Variants in LINGO2 observed in about 807,000 individuals in gnomAD.
LINGO2 encodes the protein leucine-rich repeat and immunoglobulin-like domain-containing nogo receptor-interacting protein 2.
A neutral mutation model predicts 30.6 loss-of-function variants in LINGO2; 14 were observed. That is an observed-to-expected ratio of 0.46 (90% confidence interval 0.30 to 0.72). LINGO2 has a LOEUF of 0.72. Among genes scored for constraint, LINGO2 ranks in the 30% least tolerant of loss-of-function variants. LINGO2 has a pLI of 0.07. For synonymous variants in LINGO2, 317 were observed against 288.5 expected (o/e 1.10, Z -1.00); for missense variants, 729 against 751.7 (o/e 0.97, Z 0.35).
At chr9:28,910,608 G>C in the LINGO2 span, among the ~76,000 whole-genome samples, 1 of 151,992 alleles carries the variant, frequency 6.6e-6, no homozygotes. Context: ...TTGTTTGAAA[G>C]TGTGTAGCAC....
At chr9:28,261,380 C>T (rs1464761248) in intron 4 of LINGO2, among the ~76,000 whole-genome samples, 3 of 151,882 alleles carry the variant, frequency 2.0e-5, no homozygotes, top group African/African-American at 4.8e-5. Context: ...TAAAGACACT[C>T]GTGACATTTC....
intron 2 of LINGO2, among the ~76,000 whole-genome samples, chr9:28,394,206 A>G (rs1047656562): frequency 1.3e-5 from 2 of 152,166 alleles, no homozygotes; most frequent in African/African-American, 4.8e-5. Context: ...ATATCTGAAG[A>G]TCTCTTTCCA....
chr9:28,498,066 C>T (rs984211586), intron 1 of LINGO2, among the ~76,000 whole-genome samples: 2 of 152,160 alleles, frequency 1.3e-5, no homozygotes, highest in African/African-American at 4.8e-5. Flanking sequence ...CAGTCTGCCC[C>T]TACTCGGGGG....
At chr9:28,519,396 A>G (rs1305854773) in intron 1 of LINGO2, among the ~76,000 whole-genome samples, 1 of 152,140 alleles carries the variant, frequency 6.6e-6, no homozygotes, top group Non-Finnish European at 1.5e-5. Context: ...TGTTCAGGTA[A>G]ATAGTAAGAG....
At chr9:28,326,266 A>T (rs983926026) in intron 3 of LINGO2, among the ~76,000 whole-genome samples, 4 of 152,178 alleles carry the variant, frequency 2.6e-5, no homozygotes, top group Non-Finnish European at 4.4e-5. Flanking sequence ...TGGCCTCCCA[A>T]AGTGCTGGGA....
the LINGO2 span, among the ~76,000 whole-genome samples, chr9:29,182,688 GTTT>G: frequency 2.0e-5 from 3 of 147,152 alleles, no homozygotes; most frequent in Admixed American, 6.8e-5. Flanking sequence ...AAATCTGTAG[GTTT>G]TTTTTTTTTT....
chr9:28,632,627 T>G, intron 1 of LINGO2, among the ~76,000 whole-genome samples: 1 of 143,586 alleles, frequency 7.0e-6, no homozygotes, highest in Admixed American at 7.2e-5. Flanking sequence ...TATATATTTA[T>G]ATATTTTTAT....
At chr9:28,872,219 A>G in the LINGO2 span, among the ~76,000 whole-genome samples, 1 of 152,116 alleles carries the variant, frequency 6.6e-6, no homozygotes, top group Non-Finnish European at 1.5e-5. Context: ...ATTCCCAAAA[A>G]GAAACTCTAG....
At chr9:28,631,142 T>G (rs1036404040) in intron 1 of LINGO2, among the ~76,000 whole-genome samples, 3 of 152,076 alleles carry the variant, frequency 2.0e-5, no homozygotes, top group Non-Finnish European at 4.4e-5. Context: ...TATTTATTGC[T>G]TTATCACTTT....
intron 4 of LINGO2, among the ~76,000 whole-genome samples, chr9:28,251,005 C>A (rs1475890311): frequency 6.6e-6 from 1 of 151,954 alleles, no homozygotes; most frequent in Admixed American, 6.6e-5. Context: ...CTCCACCTGG[C>A]AATCACAAGG....
intron 4 of LINGO2, among the ~76,000 whole-genome samples, chr9:28,175,473 T>A (rs969899268): frequency 6.6e-6 from 1 of 152,196 alleles, no homozygotes; most frequent in African/African-American, 2.4e-5. Context: ...ACTGTAGTTT[T>A]ACCTCTTCGT....
At chr9:28,431,397 G>A (rs1823671433) in intron 2 of LINGO2, among the ~76,000 whole-genome samples, 1 of 152,056 alleles carries the variant, frequency 6.6e-6, no homozygotes, top group Non-Finnish European at 1.5e-5. Flanking sequence ...AAGAGAAGAA[G>A]GGAGAAAGAG....
chr9:28,997,332 G>T, the LINGO2 span, among the ~76,000 whole-genome samples: 2 of 152,134 alleles, frequency 1.3e-5, no homozygotes, highest in Non-Finnish European at 2.9e-5. Context: ...GCCCATGACA[G>T]TTGTTCAACA....
the LINGO2 span, among the ~76,000 whole-genome samples, chr9:29,031,121 T>A: frequency 6.6e-6 from 1 of 152,096 alleles, no homozygotes; most frequent in African/African-American, 2.4e-5. Context: ...ATTGACACTG[T>A]CTGGTAAGAT....
At chr9:28,836,433 G>C in the LINGO2 span, among the ~76,000 whole-genome samples, 2 of 152,052 alleles carry the variant, frequency 1.3e-5, no homozygotes, top group African/African-American at 4.8e-5. Flanking sequence ...TCCTGTCTCA[G>C]CCTCCCAAGT....
At chr9:28,870,491 T>C in the LINGO2 span, among the ~76,000 whole-genome samples, 2 of 152,084 alleles carry the variant, frequency 1.3e-5, no homozygotes, top group Admixed American at 6.6e-5. Flanking sequence ...TTATAGCTTC[T>C]ATCAGGACCC....
At chr9:28,563,729 T>C (rs1455579114) in intron 1 of LINGO2, among the ~76,000 whole-genome samples, 1 of 152,140 alleles carries the variant, frequency 6.6e-6, no homozygotes, top group African/African-American at 2.4e-5. Context: ...ATCATCTAAA[T>C]GATATCTTTG....
At chr9:29,134,452 G>GT in the LINGO2 span, among the ~76,000 whole-genome samples, 1 of 151,178 alleles carries the variant, frequency 6.6e-6, no homozygotes, top group African/African-American at 2.4e-5. Context: ...ATAACCATGT[G>GT]ATTTTTTTTA....
chr9:28,073,366 T>G (rs1234749137), intron 4 of LINGO2, among the ~76,000 whole-genome samples: 1 of 152,162 alleles, frequency 6.6e-6, no homozygotes, highest in African/African-American at 2.4e-5. Context: ...CCTACATACA[T>G]GAAGGAGCTT....
Sources: gnomAD v4.1 joint callset for allele counts (sites outside exome capture counted in the v4.1 genomes callset) on GRCh38, gnomAD v4.1.1 for gene constraint, MANE v1.5 for transcripts, NCBI Gene and HGNC (gene_info 2026-07-23, HGNC 2026-07-21) for gene names.